The following ST7 variants were observed in gnomAD, a reference collection of about 807,000 sequenced individuals.
The protein encoded by ST7 is suppression of tumorigenicity 7.
ST7 carries 28 observed loss-of-function variants against 78.7 expected under a neutral mutation model. That is an observed-to-expected ratio of 0.36 (90% CI 0.26 to 0.49). The LOEUF (loss-of-function observed/expected upper bound fraction) is 0.49. ST7 is among the 20% of genes least tolerant of loss of function. The pLI is 0.99. For synonymous variants in ST7, 247 were observed against 249.6 expected (o/e 0.99, Z 0.10); for missense variants, 418 against 696.0 (o/e 0.60, Z 4.49).
At position 117,202,257 on chromosome 7, in the gene ST7, CGG is replaced by C. The variant is rs1810939875; in HGVS notation, c.1255-7529_1255-7528del. 2.0e-5 allele frequency among the ~76,000 whole-genome samples: 3 copies of C among 151,362 alleles called. 1 individual carries two copies. Among genetic ancestry groups the C allele is most frequent in the African/African-American group, 2.4e-5 (1 of 41,196 alleles). On this transcript the variant is annotated intron_variant, in intron 12 of 15. Transcript: ENST00000323984. ...GATTACAGGCGTGAGCCACCGCGCC[CGG>C]CCTCGAAGCTATCTTGAGAGATCTC... is the stretch of plus-strand genomic sequence containing the variant.
At chr7:117,229,126 T>G (rs1793622710) in intron 15 of ST7, among the ~76,000 whole-genome samples, 1 of 152,204 alleles carries the variant, frequency 6.6e-6, no homozygotes, top group African/African-American at 2.4e-5. Flanking sequence ...AGGAATTTAG[T>G]AACCAAATGA....
intron 9 of ST7, among the ~76,000 whole-genome samples, chr7:117,152,197 A>ATATG (rs1554442473): frequency 1.4e-5 from 1 of 73,300 alleles, no homozygotes; most frequent in East Asian, 4.6e-4. Flanking sequence ...ATATATATAT[A>ATATG]TATATATATA....
chr7:117,070,586 G>A (rs570970649), intron 1 of ST7, among the ~76,000 whole-genome samples: 1 of 152,272 alleles, frequency 6.6e-6, no homozygotes, highest in Non-Finnish European at 1.5e-5. Context: ...CTATCGCCCA[G>A]GCTGGATGCA....
chr7:117,164,609 A>G (rs1226257763), intron 9 of ST7, among the ~76,000 whole-genome samples: 2 of 152,216 alleles, frequency 1.3e-5, no homozygotes, highest in African/African-American at 2.4e-5. Context: ...AACTTTAAAT[A>G]TAGGACTCTT....
chr7:117,195,439 A>G (rs1810216484), intron 12 of ST7, among the ~76,000 whole-genome samples: 1 of 152,164 alleles, frequency 6.6e-6, no homozygotes, highest in South Asian at 2.1e-4. Flanking sequence ...GTACAGTACA[A>G]TCTTGTTAAC....
At chr7:117,116,405 A>T (rs542473550) in intron 2 of ST7, among the ~76,000 whole-genome samples, 1 of 152,292 alleles carries the variant, frequency 6.6e-6, no homozygotes, top group East Asian at 1.9e-4. Flanking sequence ...GTGACACCAA[A>T]TATGTGCGCA....
intron 1 of ST7, among the ~76,000 whole-genome samples, chr7:116,982,736 A>T (rs113859943): frequency 7.1e-4 from 108 of 152,180 alleles, no homozygotes; most frequent in African/African-American, 2.6e-3. Context: ...TTCTCTGAGG[A>T]TCCCTTTTTC....
In ST7 at chr7:117,178,731, G is replaced by T. The variant is rs534807209; in HGVS notation, c.1078+7755G>T. ...GAACAAAAGGATATTAGGTCAAAAA[G>T]GTTATCATGGAAAACTGTTCTATCC... On this transcript the variant is annotated intron_variant, in intron 10 of 15. Coordinates refer to ENST00000323984, the MANE Select transcript of ST7 (RefSeq NM_001369598.1). Among the ~76,000 whole-genome samples, 7 of 152,262 alleles carry T rather than the reference G, an allele frequency of 4.6e-5. No homozygotes were observed. In the South Asian group the frequency reaches 1.0e-3, roughly 23 times the overall value.
At chr7:117,086,916 C>G (rs753921876) in intron 1 of ST7, among the ~76,000 whole-genome samples, 2 of 152,196 alleles carry the variant, frequency 1.3e-5, no homozygotes, top group Non-Finnish European at 2.9e-5. Flanking sequence ...TTTGGACAAC[C>G]ATGCAGCTGG....
intron 1 of ST7, among the ~76,000 whole-genome samples, chr7:117,044,900 G>A (rs1186791757): frequency 6.6e-6 from 1 of 152,150 alleles, no homozygotes; most frequent in Non-Finnish European, 1.5e-5. Flanking sequence ...AATACTATAT[G>A]TGAGATGTGT....
intron 1 of ST7, among the ~76,000 whole-genome samples, chr7:117,039,388 A>G (rs1797086104): frequency 6.6e-6 from 1 of 152,176 alleles, no homozygotes; most frequent in Non-Finnish European, 1.5e-5. Flanking sequence ...AGCCTGGGCA[A>G]CATAGGGAAA....
chr7:116,994,813 T>C (rs1401830648), intron 1 of ST7, among the ~76,000 whole-genome samples: 1 of 152,220 alleles, frequency 6.6e-6, no homozygotes, highest in Admixed American at 6.5e-5. Context: ...TGTTGGGAAA[T>C]TGATGCTGGG....
chr7:117,030,326 AGTG>A (rs1387244493), intron 1 of ST7, among the ~76,000 whole-genome samples: 1 of 152,224 alleles, frequency 6.6e-6, no homozygotes, highest in Non-Finnish European at 1.5e-5. Context: ...TAAATGTAAA[AGTG>A]GTGGTATTAG....
intron 9 of ST7, among the ~76,000 whole-genome samples, chr7:117,156,347 C>T (rs1374743339): frequency 6.6e-6 from 1 of 152,090 alleles, no homozygotes; most frequent in Non-Finnish European, 1.5e-5. Context: ...AGCTTTTTAG[C>T]CTAATCAACT....
At chr7:117,058,909 G>T (rs1269462157) in intron 1 of ST7, among the ~76,000 whole-genome samples, 2 of 152,160 alleles carry the variant, frequency 1.3e-5, no homozygotes, top group Non-Finnish European at 2.9e-5. Context: ...GGATGGAACT[G>T]CAGGTCATTA....
intron 15 of ST7, chr7:117,224,057 A>G: frequency 2.7e-6 from 1 of 367,626 alleles, no homozygotes; most frequent in Non-Finnish European, 3.8e-6. Flanking sequence ...CCCTGAGTGG[A>G]GGTCACCTAG....
chr7:117,211,409 T>G (rs142478711), intron 13 of ST7, among the ~76,000 whole-genome samples: 1 of 152,298 alleles, frequency 6.6e-6, no homozygotes, highest in East Asian at 1.9e-4. Context: ...TAAGATGTTC[T>G]ATCAGAAAGG....
At chr7:117,067,976 T>G (rs1798729187) in intron 1 of ST7, among the ~76,000 whole-genome samples, 1 of 152,206 alleles carries the variant, frequency 6.6e-6, no homozygotes, top group East Asian at 1.9e-4. Context: ...GCTCCTGTTA[T>G]TTTCTATTTC....
intron 1 of ST7, among the ~76,000 whole-genome samples, chr7:116,960,321 C>T (rs1421020928): frequency 2.0e-5 from 3 of 152,092 alleles, no homozygotes; most frequent in Non-Finnish European, 2.9e-5. Flanking sequence ...TCCCAAGTAG[C>T]TGGGATTACA....
Sources: allele counts gnomAD v4.1 joint callset (sites outside exome capture counted in the v4.1 genomes callset), GRCh38; gene constraint gnomAD v4.1.1; transcripts MANE v1.5; gene names NCBI Gene and HGNC (gene_info 2026-07-23, HGNC 2026-07-21).